The following PTPRD variants were observed in gnomAD, a reference collection of about 807,000 sequenced individuals.
PTPRD encodes the protein protein tyrosine phosphatase receptor type D.
In PTPRD, 34 loss-of-function variants were observed where a neutral mutation model predicts 214.5. The observed-to-expected ratio is 0.16, with a 90% CI of 0.12 to 0.21. The LOEUF is 0.21. PTPRD is among the 10% of genes least tolerant of loss of function. PTPRD has a pLI of 1.00. For synonymous variants in PTPRD, 1,128 were observed against 845.7 expected, an observed-to-expected ratio of 1.33 and a Z score of -5.79; for missense variants, 2,545 against 2,398.7, an observed-to-expected ratio of 1.06 and a Z score of -1.27.
intron 3 of PTPRD, among the ~76,000 whole-genome samples, chr9:10,162,641 A>G (rs1248191838): frequency 6.7e-6 from 1 of 148,496 alleles, no homozygotes; most frequent in Non-Finnish European, 1.5e-5. Context: ...GTATATAAAC[A>G]TATATATACA....
intron 39 of PTPRD, among the ~76,000 whole-genome samples, chr9:8,343,266 T>A (rs1223576842): frequency 6.6e-6 from 1 of 152,266 alleles, no homozygotes; most frequent in Non-Finnish European, 1.5e-5. Flanking sequence ...GGGAATTTGA[T>A]ATAACCACTA....
At chr9:9,114,850 A>G (rs1171953436) in intron 10 of PTPRD, among the ~76,000 whole-genome samples, 1 of 152,128 alleles carries the variant, frequency 6.6e-6, no homozygotes, top group East Asian at 1.9e-4. Flanking sequence ...ACGTTATTCT[A>G]GGTGGAAGCT....
chr9:9,063,952 G>C (rs1010521193), intron 10 of PTPRD, among the ~76,000 whole-genome samples: 3 of 152,262 alleles, frequency 2.0e-5, no homozygotes, highest in African/African-American at 7.2e-5. Context: ...TTCAGTGAAA[G>C]CTTTGCTGAA....
chr9:9,108,615 GAAAA>G (rs955375311), intron 10 of PTPRD, among the ~76,000 whole-genome samples: 2 of 152,012 alleles, frequency 1.3e-5, no homozygotes. Flanking sequence ...CGAAGCAATG[GAAAA>G]AAACAGTTGG....
chr9:9,423,505 G>A (rs2079621521), intron 8 of PTPRD, among the ~76,000 whole-genome samples: 1 of 151,972 alleles, frequency 6.6e-6, no homozygotes, highest in African/African-American at 2.4e-5. Flanking sequence ...GACAACCTAG[G>A]GTAGAGAATT....
rs544494779 is a variant in PTPRD, at chr9:9,037,930, T to C, written c.-142-19195A>G. ...GTGGTTTAGCATCTGGTTTGAGCCA[T>C]GCAACTCTGGGAAAACTAATTAACT... On this transcript the variant is annotated intron_variant, in intron 10 of 45. Coordinates refer to ENST00000381196, the MANE Select transcript of PTPRD (RefSeq NM_002839.4). Among the ~76,000 whole-genome samples the C allele has an allele frequency of 4.6e-5, 7 of 152,282 alleles. No individual in the cohort carries two copies. In the South Asian group the frequency reaches 1.0e-3, roughly 23 times the overall value.
intron 9 of PTPRD, among the ~76,000 whole-genome samples, chr9:9,388,617 T>C (rs1212086272): frequency 6.6e-6 from 1 of 152,200 alleles, no homozygotes; most frequent in South Asian, 2.1e-4. Context: ...TGTTCTCATA[T>C]ACAAGTTTAT....
At chr9:8,847,941 G>T (rs1000594016) in intron 11 of PTPRD, among the ~76,000 whole-genome samples, 1 of 152,100 alleles carries the variant, frequency 6.6e-6, no homozygotes, top group African/African-American at 2.4e-5. Flanking sequence ...TCTTTGATGG[G>T]TGACTGCTCT....
At chr9:8,841,866 C>A (rs1448402771) in intron 11 of PTPRD, among the ~76,000 whole-genome samples, 3 of 151,880 alleles carry the variant, frequency 2.0e-5, no homozygotes, top group Admixed American at 2.0e-4. Flanking sequence ...CAAAAATTAG[C>A]CAGGTGTGGT....
chr9:9,571,371 C>A (rs17179861), intron 8 of PTPRD, among the ~76,000 whole-genome samples: 2 of 151,050 alleles, frequency 1.3e-5, no homozygotes, highest in Admixed American at 6.6e-5. Context: ...CTTAATGAAG[C>A]GCATATAACA....
rs1375969901 is a variant in PTPRD at position 9,806,648 on chromosome 9, G to A, written c.-367-39797C>T. 7.2e-5 allele frequency among the ~76,000 whole-genome samples: 11 copies of A among 152,070 alleles called. No homozygotes were observed. The East Asian group carries it at 2.1e-3, about 29-fold the overall frequency. On this transcript the variant is annotated intron_variant, in intron 5 of 45. Coordinates refer to ENST00000381196, the MANE Select transcript of PTPRD (RefSeq NM_002839.4). ...CCTTTCTCAGACTCAGCCCACTTGC[G>A]CCCAAGTGAATAAAGAGCCTTGCTG... is the stretch of plus-strand genomic sequence containing the variant.
chr9:9,299,984 C>T (rs1268367945), intron 9 of PTPRD, among the ~76,000 whole-genome samples: 1 of 142,998 alleles, frequency 7.0e-6, no homozygotes, highest in Admixed American at 7.1e-5. Flanking sequence ...ATCTCGTATG[C>T]TGTTCAAATT....
chr9:10,524,863 T>C (rs537417761), intron 2 of PTPRD, among the ~76,000 whole-genome samples: 6 of 151,892 alleles, frequency 4.0e-5, no homozygotes, highest in South Asian at 4.2e-4. Context: ...TTTTAAATCA[T>C]AGCTACAGGT....
At chr9:10,394,941 A>G (rs1587108897) in intron 2 of PTPRD, among the ~76,000 whole-genome samples, 1 of 145,936 alleles carries the variant, frequency 6.9e-6, no homozygotes, top group African/African-American at 2.5e-5. Context: ...ATGTGTTGCC[A>G]CCATTTTTTC....
intron 10 of PTPRD, among the ~76,000 whole-genome samples, chr9:9,158,169 C>T (rs1166795207): frequency 6.6e-6 from 1 of 152,228 alleles, no homozygotes; most frequent in East Asian, 1.9e-4. Context: ...AATAGTGCTG[C>T]AGTGAACATA....
intron 9 of PTPRD, among the ~76,000 whole-genome samples, chr9:9,289,455 T>A (rs984576755): frequency 6.6e-6 from 1 of 151,862 alleles, no homozygotes; most frequent in Non-Finnish European, 1.5e-5. Context: ...CATTAACATA[T>A]CTATCACTAC....
intron 7 of PTPRD, among the ~76,000 whole-genome samples, chr9:9,715,906 G>C (rs1277825098): frequency 6.6e-6 from 1 of 152,056 alleles, no homozygotes; most frequent in Non-Finnish European, 1.5e-5. Flanking sequence ...ACAATGTGCA[G>C]GTTAGTTACG....
chr9:8,365,977 T>C (rs2079765010), intron 39 of PTPRD, among the ~76,000 whole-genome samples: 1 of 152,202 alleles, frequency 6.6e-6, no homozygotes, highest in African/African-American at 2.4e-5. Flanking sequence ...CACAGTGTTT[T>C]GGGTTGGTAT....
At chr9:9,767,956 G>T (rs1229053240) in intron 5 of PTPRD, among the ~76,000 whole-genome samples, 1 of 152,092 alleles carries the variant, frequency 6.6e-6, no homozygotes, top group Admixed American at 6.5e-5. Context: ...GTTACTGTGT[G>T]TTCTAGAATG....
Sources: gnomAD v4.1 joint callset for allele counts (sites outside exome capture counted in the v4.1 genomes callset) on GRCh38, gnomAD v4.1.1 for gene constraint, MANE v1.5 for transcripts, NCBI Gene and HGNC (gene_info 2026-07-23, HGNC 2026-07-21) for gene names.